AHR: variants seen among roughly 807,000 people sequenced by gnomAD.
The protein encoded by AHR is AH-receptor.
In AHR, 40 loss-of-function variants were observed where a neutral mutation model predicts 86.8. That is an observed-to-expected ratio of 0.46 (90% CI 0.36 to 0.60). The LOEUF (loss-of-function observed/expected upper bound fraction) is 0.60, where lower values mean the gene tolerates loss of function less well. Ranked by LOEUF, AHR falls within the 20% of genes least tolerant of loss-of-function variation. AHR has a pLI of 0.00. For missense variants in AHR, 1,001 were observed against 1,011.6 expected, an observed-to-expected ratio of 0.99 and a Z score of 0.14; for synonymous variants, 398 against 354.9, an observed-to-expected ratio of 1.12 and a Z score of -1.37.
intron 1 of AHR, among the ~76,000 whole-genome samples, chr7:17,305,577 G>C (rs1018542335): frequency 6.6e-6 from 1 of 152,070 alleles, no homozygotes; most frequent in East Asian, 1.9e-4. Flanking sequence ...AGATAAACAA[G>C]TTATGGGTAA....
chr7:17,330,666 GT>G, intron 5 of AHR, 89 bp from the exon 6 acceptor site: 1 of 1,244,154 alleles, frequency 8.0e-7, no homozygotes, highest in Non-Finnish European at 1.1e-6. Context: ...ACAGACTCCA[GT>G]TTAGAAACTA....
In AHR at chr7:17,320,663, C is replaced by T. The variant is rs375546041; in HGVS notation, c.254-1838C>T. ...GTTGTATGGTTTTAGTGCATTCAAG[C>T]AAATGTGGCCATTAGTAAGCAAGCA... On this transcript the variant is annotated intron_variant, in intron 2 of 10. Transcript: ENST00000242057. 4.1e-4 allele frequency among the ~76,000 whole-genome samples: 63 copies of T among 152,132 alleles called. 3 individuals carry two copies. In the South Asian group the frequency reaches 0.012, roughly 28 times the overall value.
At chr7:17,328,862 T>G (rs184365502) in intron 4 of AHR, among the ~76,000 whole-genome samples, 4 of 152,104 alleles carry the variant, frequency 2.6e-5, no homozygotes, top group Non-Finnish European at 5.9e-5. Context: ...TAGGAAGATT[T>G]AAGTGTAGAT....
intron 1 of AHR, among the ~76,000 whole-genome samples, chr7:17,309,549 C>T (rs549543302): frequency 3.3e-5 from 5 of 152,116 alleles, no homozygotes; most frequent in Admixed American, 6.5e-5. Context: ...TGGAAGATAG[C>T]AAAGGAAGTA....
rs141518984 is a variant in AHR at position 17,322,505 on chromosome 7, A to G, written c.258A>G (p.Ala86=). 7.3e-5 allele frequency: 117 copies of G among 1,605,568 alleles called. No homozygotes were observed. In the African/African-American group the frequency reaches 1.3e-3, roughly 18 times the overall value. The change falls in exon 3 of 11, where the codon GCA becomes GCG. Residue 86 remains alanine, a synonymous_variant. Coordinates refer to ENST00000242057, the MANE Select transcript of AHR (RefSeq NM_001621.5). ...GTTTTTCCTTTTTTTCCATAGTTGC[A>G]TTAAAATCCTCCCCTACTGAAAGAA... ...YLRAKSFFDV[A]LKSSPTERNG...
rs990193865 is a variant in AHR, at chr7:17,339,491, A to G, written c.1666A>G (p.Met556Val). The change falls in exon 10 of 11, where the codon ATG becomes GTG. Residue 556 changes from methionine (M) to valine (V), a missense_variant. Met to Val is a conservative substitution (Grantham distance 21). Around this residue, in one of 2 missense-constraint regions of AHR, gnomAD observed 607 missense variants for 543.1 expected, o/e 1.12. Transcript: ENST00000242057. ...CATTGATTTTGAAGACATCAGACACATGCAGAATGAAAAATTTTTCAGAAA... is the reference window on the plus strand; with the variant it reads ...CATTGATTTTGAAGACATCAGACACGTGCAGAATGAAAAATTTTTCAGAAA... Reference protein sequence around the residue: ...LGIDFEDIRHMQNEKFFRNDF... With the variant: ...LGIDFEDIRHVQNEKFFRNDF... The G allele has an allele frequency of 6.2e-7, 1 of 1,614,120 alleles. No individual in the cohort carries two copies. Among genetic ancestry groups the G allele is most frequent in the Non-Finnish European group, 8.5e-7 (1 of 1,180,006 alleles).
intron 6 of AHR, 85 bp from the exon 7 acceptor site, chr7:17,333,827 G>A: frequency 1.9e-6 from 2 of 1,038,752 alleles, no homozygotes; most frequent in Non-Finnish European, 2.9e-6. Context: ...GAACCCTAGA[G>A]GCAGCCATAA....
At chr7:17,310,452 A>T (rs974699117) in intron 2 of AHR, among the ~76,000 whole-genome samples, 1 of 152,024 alleles carries the variant, frequency 6.6e-6, no homozygotes, top group Non-Finnish European at 1.5e-5. Flanking sequence ...AAAAGAAAAG[A>T]TAAAACACCA....
Position 17,299,141 on chromosome 7 carries a change from A to C in AHR, c.-124A>C. Reference sequence around the variant, plus strand: ...CCACGCCACTGTCCCGAGAGGACGCAGGTGGAGCGGGCGCGGCTTCGCGGA... The same window carrying C: ...CCACGCCACTGTCCCGAGAGGACGCCGGTGGAGCGGGCGCGGCTTCGCGGA... On this transcript the variant is annotated 5_prime_UTR_variant, in exon 1 of 11. Coordinates refer to ENST00000242057, the MANE Select transcript of AHR (RefSeq NM_001621.5). 9.6e-7 allele frequency: 1 copy of C among 1,039,610 alleles called. No homozygotes were observed. The highest frequency in any genetic ancestry group is 2.9e-5 in the East Asian group (1 of 33,994). The allele number at this position is 1,039,610 out of a possible 1,614,324, so 64.4% of individuals were successfully genotyped here.
intron 1 of AHR, among the ~76,000 whole-genome samples, chr7:17,307,556 A>G (rs1262293292): frequency 3.3e-5 from 5 of 152,172 alleles, no homozygotes; most frequent in Non-Finnish European, 7.4e-5. Flanking sequence ...AATAGACAAA[A>G]GCGGCTTCAA....
chr7:17,340,100 A>G lies in AHR; in HGVS notation c.2275A>G (p.Ile759Val), dbSNP rs772485016. 25 of 1,614,066 alleles carry G rather than the reference A, an allele frequency of 1.5e-5. No individual in the cohort carries two copies. The highest frequency in any genetic ancestry group is 1.6e-4 in the Middle Eastern group (1 of 6,084). The change falls in exon 10 of 11, where the codon ATA becomes GTA. Residue 759 changes from isoleucine to valine, a missense_variant. Coordinates refer to ENST00000242057, the MANE Select transcript of AHR (RefSeq NM_001621.5). Reference protein sequence around the residue: ...KHGLNPQSAIITPQTCYAGAV... With the variant: ...KHGLNPQSAIVTPQTCYAGAV... The stretch of plus-strand genomic sequence containing the variant: ...TGGATTAAATCCACAGTCAGCCATA[A>G]TAACTCCTCAGACATGTTATGCTGG...
chr7:17,345,417 G>C lies in AHR; in HGVS notation c.*2353G>C, dbSNP rs536053143. On this transcript the variant is annotated 3_prime_UTR_variant, in exon 11 of 11. Coordinates refer to ENST00000242057, the MANE Select transcript of AHR (RefSeq NM_001621.5). Reference sequence around the variant, plus strand: ...TATCTCTGAGTTCTGTGTATTTTCAGTCAAAACTTTAAACCTGTAGAATCA... The same window carrying C: ...TATCTCTGAGTTCTGTGTATTTTCACTCAAAACTTTAAACCTGTAGAATCA... The C allele has an allele frequency of 1.4e-4, 21 of 152,454 alleles. No individual in the cohort carries two copies. The highest frequency in any genetic ancestry group is 6.5e-4 in the Admixed American group (10 of 15,278). 9.4% of individuals were successfully genotyped at this position (152,454 alleles called of 1,614,324 possible).
At chr7:17,334,200 T>G in intron 7 of AHR, 86 bp downstream of exon 7, 1 of 1,180,178 alleles carries the variant, frequency 8.5e-7, no homozygotes, top group Non-Finnish European at 1.2e-6. Context: ...ATACAGTGTA[T>G]GTAATATTGT....
rs1366591580 is a variant in AHR, at chr7:17,340,122, C to A, written c.2297C>A (p.Ala766Asp). 1 of 1,614,196 alleles carries A rather than the reference C, an allele frequency of 6.2e-7. No individual in the cohort carries two copies. Among genetic ancestry groups the A allele is most frequent in the Admixed American group, 1.7e-5 (1 of 60,026 alleles). ...SAIITPQTCY[A>D]GAVSMYQCQP... ...ATAATAACTCCTCAGACATGTTATGCTGGGGCCGTGTCGATGTATCAGTGC... is the reference window on the plus strand; with the variant it reads ...ATAATAACTCCTCAGACATGTTATGATGGGGCCGTGTCGATGTATCAGTGC... Residue 766 changes from alanine to aspartate, a missense_variant, in exon 10 of 11, where the codon GCT (alanine) becomes GAT (aspartate). Ala to Asp is a moderately radical substitution (Grantham distance 126). Transcript: ENST00000242057.
intron 10 of AHR, among the ~76,000 whole-genome samples, 157 bp downstream of exon 10, chr7:17,340,385 T>C (rs980352087): frequency 6.6e-6 from 1 of 151,998 alleles, no homozygotes; most frequent in South Asian, 2.1e-4. Context: ...TTTTTTTTTT[T>C]ACAAGCCTGT....
intron 2 of AHR, among the ~76,000 whole-genome samples, chr7:17,321,903 A>G (rs1475068314): frequency 6.6e-6 from 1 of 152,076 alleles, no homozygotes; most frequent in Non-Finnish European, 1.5e-5. Context: ...TTATAAAGAC[A>G]TTAATTCTCC....
intron 10 of AHR, among the ~76,000 whole-genome samples, chr7:17,341,265 A>C (rs1782420654): frequency 1.3e-5 from 2 of 152,144 alleles, no homozygotes; most frequent in South Asian, 4.1e-4. Context: ...TTTTAATAGA[A>C]AAGGACAGTG....
Position 17,339,666 on chromosome 7 carries a change from A to G in AHR, c.1841A>G (p.Gln614Arg). 6.2e-7 allele frequency: 1 copy of G among 1,614,112 alleles called. No individual in the cohort carries two copies. Among genetic ancestry groups the G allele is most frequent in the African/African-American group, 1.3e-5 (1 of 75,058 alleles). The change falls in exon 10 of 11, where the codon CAG (glutamine) becomes CGG (arginine). Residue 614 changes from glutamine to arginine, a missense_variant. Gln to Arg is a conservative substitution (Grantham distance 43). Coordinates refer to ENST00000242057, the MANE Select transcript of AHR (RefSeq NM_001621.5). ...GCTCTGAACTCAAGCTGTATGGTAC[A>G]GGAACACCTACATCTAGAACAGCAA... ...SLALNSSCMV[Q>R]EHLHLEQQQQ...
chr7:17,299,330 G>A lies in AHR; in HGVS notation c.65+1G>A. 6.2e-7 allele frequency: 1 copy of A among 1,612,710 alleles called. No individual in the cohort carries two copies. Among genetic ancestry groups the A allele is most frequent in the Non-Finnish European group, 8.5e-7 (1 of 1,179,702 alleles). The stretch of plus-strand genomic sequence containing the variant: ...AGCGGCGGAAGCCGGTGCAGAAAAC[G>A]TGAGTGTCCCGAGCGCGTCCTCATC... On this transcript the variant is annotated splice_donor_variant, in intron 1 of 10. Transcript: ENST00000242057. LOFTEE classifies it high-confidence loss of function.
Sources: allele counts gnomAD v4.1 joint callset (sites outside exome capture counted in the v4.1 genomes callset), GRCh38; gene constraint gnomAD v4.1.1; regional missense constraint gnomAD v4.1.1; transcripts MANE v1.5; gene names NCBI Gene and HGNC (gene_info 2026-07-23, HGNC 2026-07-21).